LUZP1: variants seen among roughly 807,000 people sequenced by gnomAD.
The protein encoded by LUZP1 is filamin mechanobinding actin cross-linking protein.
In LUZP1, 25 loss-of-function variants were observed where a neutral mutation model predicts 71.3. That is an observed-to-expected ratio of 0.35 (90% confidence interval 0.26 to 0.49). LUZP1 has a LOEUF of 0.49. Ranked by LOEUF, LUZP1 falls within the 20% of genes least tolerant of loss-of-function variation. The pLI is 0.99. For missense variants in LUZP1, 1,142 were observed against 1,300.8 expected, an observed-to-expected ratio of 0.88 and a Z score of 1.88; for synonymous variants, 481 against 506.4, an observed-to-expected ratio of 0.95 and a Z score of 0.67.
Position 23,092,828 on chromosome 1 carries a change from G to T in LUZP1, c.1434C>A (p.Pro478=), listed in dbSNP as rs151240560. 9 of 1,613,778 alleles carry T rather than the reference G, an allele frequency of 5.6e-6. No homozygotes were observed. The East Asian group carries it at 6.7e-5, about 12-fold the overall frequency. The change falls in exon 4 of 5, where the codon CCC becomes CCA. Residue 478 remains proline (P), a synonymous_variant. Transcript: ENST00000302291. ...CTTTACTGTGCTCCTGAGCAGCCGG[G>T]GGGTAGCGACTCAGCACTGAGGGCT... is the stretch of plus-strand genomic sequence containing the variant.
chr1:23,121,169 C>T (rs964590353), intron 2 of LUZP1, among the ~76,000 whole-genome samples: 13 of 152,078 alleles, frequency 8.5e-5, no homozygotes, highest in African/African-American at 3.1e-4. Flanking sequence ...AGCTGTAAAC[C>T]CTACTGACCA....
rs190154366 is a variant in LUZP1 at position 23,132,822 on chromosome 1, A to T, written c.-225-23695T>A. Reference sequence around the variant, plus strand: ...AACTTTTCTATGTTTTAAATTTTTCATAAGAAGTTGCTGAGAAGAAAATGT... The same window carrying T: ...AACTTTTCTATGTTTTAAATTTTTCTTAAGAAGTTGCTGAGAAGAAAATGT... On this transcript the variant is annotated intron_variant, in intron 2 of 4. Coordinates refer to ENST00000302291, the Ensembl canonical transcript of LUZP1. Among the ~76,000 whole-genome samples the T allele has an allele frequency of 6.0e-4, 92 of 152,344 alleles. 1 individual carries two copies. The Middle Eastern group carries it at 0.024, about 39-fold the overall frequency.
intron 1 of LUZP1, among the ~76,000 whole-genome samples, chr1:23,171,764 G>A (rs1045521709): frequency 3.3e-5 from 5 of 152,196 alleles, no homozygotes; most frequent in African/African-American, 1.2e-4. Flanking sequence ...TAAGATTGCT[G>A]GAGGCAAAGG....
At chr1:23,147,304 G>A (rs969289333) in intron 2 of LUZP1, among the ~76,000 whole-genome samples, 1 of 150,860 alleles carries the variant, frequency 6.6e-6, no homozygotes, top group African/African-American at 2.4e-5. Flanking sequence ...AGCAAGGCAT[G>A]GTGGTGGGAG....
intron 2 of LUZP1, among the ~76,000 whole-genome samples, chr1:23,114,800 G>A (rs1186344738): frequency 3.3e-5 from 5 of 152,102 alleles, no homozygotes; most frequent in Non-Finnish European, 7.3e-5. Flanking sequence ...CCCGGGTGGC[G>A]GCCTCTAGTT....
intron 3 of LUZP1, among the ~76,000 whole-genome samples, chr1:23,097,817 G>A (rs1019605441): frequency 3.3e-5 from 5 of 152,202 alleles, no homozygotes; most frequent in African/African-American, 1.2e-4. Flanking sequence ...ACTCCAGCCA[G>A]GGTGACAGAG....
chr1:23,122,054 G>T (rs527520044), intron 2 of LUZP1, among the ~76,000 whole-genome samples: 34 of 151,970 alleles, frequency 2.2e-4, no homozygotes, highest in African/African-American at 7.7e-4. Context: ...ATTTTAAAAA[G>T]ACTTTAAGTA....
rs893831229 is a variant in LUZP1 at position 23,090,745 on chromosome 1, CG to C, written c.3072+444del. 1.8e-5 allele frequency: 12 copies of C among 652,864 alleles called. No individual in the cohort carries two copies. The African/African-American group carries it at 2.0e-4, about 11-fold the overall frequency. The allele number at this position is 652,864 out of a possible 1,614,324, so 40.4% of individuals were successfully genotyped here. On this transcript the variant is annotated intron_variant, in intron 4 of 4. Transcript: ENST00000302291. ...GCCTGTGAAGATCTGCTAACTGAGG[CG>C]GCCGAGAACTTGCTGACCTGGCTCC...
chr1:23,131,599 C>G (rs138612788), intron 2 of LUZP1, among the ~76,000 whole-genome samples: 1 of 152,112 alleles, frequency 6.6e-6, no homozygotes, highest in Non-Finnish European at 1.5e-5. Flanking sequence ...CCAAAAAAAA[C>G]GAGTTTGTTT....
intron 3 of LUZP1, among the ~76,000 whole-genome samples, chr1:23,108,290 T>G (rs990189093): frequency 1.3e-5 from 2 of 152,220 alleles, no homozygotes; most frequent in Non-Finnish European, 2.9e-5. Context: ...AAAGTAACTT[T>G]CTTAAAAGGG....
intron 3 of LUZP1, among the ~76,000 whole-genome samples, chr1:23,104,376 G>A (rs945364497): frequency 4.1e-4 from 62 of 151,474 alleles, no homozygotes; most frequent in Non-Finnish European, 8.4e-4. Context: ...GTAGAGACAG[G>A]TTTCACTATG....
intron 2 of LUZP1, among the ~76,000 whole-genome samples, chr1:23,131,885 C>T (rs1644218552): frequency 6.6e-6 from 1 of 152,160 alleles, no homozygotes; most frequent in African/African-American, 2.4e-5. Flanking sequence ...GAGGTTTCGC[C>T]ATGTTGGCCA....
chr1:23,113,135 G>A (rs759893848), intron 2 of LUZP1, among the ~76,000 whole-genome samples: 1 of 152,206 alleles, frequency 6.6e-6, no homozygotes, highest in South Asian at 2.1e-4. Flanking sequence ...GCTCATGCCT[G>A]TAATCCTGGC....
intron 2 of LUZP1, among the ~76,000 whole-genome samples, chr1:23,126,938 T>C (rs1202848322): frequency 4.6e-5 from 7 of 152,130 alleles, no homozygotes; most frequent in African/African-American, 4.8e-5. Flanking sequence ...CAGGAATGAG[T>C]TGTCTTTTAC....
At chr1:23,148,433 G>A (rs1274446734) in intron 2 of LUZP1, among the ~76,000 whole-genome samples, 1 of 152,130 alleles carries the variant, frequency 6.6e-6, no homozygotes, top group African/African-American at 2.4e-5. Context: ...AGGTCATCTC[G>A]AAAATTTGCT....
intron 4 of LUZP1, 37 bp from the exon 4 acceptor site, chr1:23,089,090 C>T (rs1643813872): frequency 1.2e-6 from 2 of 1,605,666 alleles, no homozygotes; most frequent in Non-Finnish European, 1.7e-6. Flanking sequence ...CTGTGGAGGT[C>T]AGTAAAGTGA....
At chr1:23,084,425 G>GTCTC (rs1169086052) in exon 5 of LUZP1, 1 of 151,582 alleles carries the variant, frequency 6.6e-6, no homozygotes, top group African/African-American at 2.4e-5. Context: ...CAAATCTTTT[G>GTCTC]TCTCTCTCTT....
chr1:23,170,747 G>T (rs536980952), intron 1 of LUZP1, among the ~76,000 whole-genome samples: 3 of 151,974 alleles, frequency 2.0e-5, no homozygotes, highest in Admixed American at 6.6e-5. Context: ...GATTACAGAC[G>T]TGAGCCACCA....
exon 5 of LUZP1, chr1:23,087,734 T>G (rs1426370625): frequency 6.5e-6 from 1 of 152,696 alleles, no homozygotes; most frequent in Non-Finnish European, 1.5e-5. Context: ...CGTGGCTTTC[T>G]GAAAAGTTTG....
Sources: gnomAD v4.1 joint callset for allele counts (sites outside exome capture counted in the v4.1 genomes callset) on GRCh38, gnomAD v4.1.1 for gene constraint, MANE v1.5 for transcripts, NCBI Gene and HGNC (gene_info 2026-07-23, HGNC 2026-07-21) for gene names.